Variants in MYO16 observed in about 807,000 individuals in gnomAD.
MYO16 encodes myosin XVI, also known as unconventional myosin-XVI.
Under a neutral mutation model 205.3 loss-of-function variants are expected in MYO16, and 94 were observed. That is an observed-to-expected ratio of 0.46 (90% confidence interval 0.39 to 0.54). The LOEUF (loss-of-function observed/expected upper bound fraction) is 0.54. Ranked by LOEUF, MYO16 falls within the 20% of genes least tolerant of loss-of-function variation. MYO16 has a pLI of 0.00. For missense variants in MYO16, 2,315 were observed against 2,387.5 expected (o/e 0.97, Z 0.63); for synonymous variants, 988 against 954.0 (o/e 1.04, Z -0.66).
At chr13:108,516,825 G>C in the MYO16 span, among the ~76,000 whole-genome samples, 1 of 152,096 alleles carries the variant, frequency 6.6e-6, no homozygotes, top group African/African-American at 2.4e-5. Flanking sequence ...CAGTTTTGCT[G>C]CTGGGTACAT....
intron 1 of MYO16, among the ~76,000 whole-genome samples, chr13:108,639,048 C>G (rs972855214): frequency 6.6e-6 from 1 of 152,170 alleles, no homozygotes; most frequent in Non-Finnish European, 1.5e-5. Context: ...TTGGACAAGT[C>G]TGATGTGTTT....
chr13:109,019,938 T>C (rs1449448947), intron 23 of MYO16, 27 bp downstream of exon 23: 1 of 1,603,524 alleles, frequency 6.2e-7, no homozygotes, highest in Non-Finnish European at 8.5e-7. Flanking sequence ...GCATAATTTT[T>C]CATGTGCACT....
At chr13:108,817,801 T>C (rs892364511) in intron 7 of MYO16, among the ~76,000 whole-genome samples, 4 of 152,198 alleles carry the variant, frequency 2.6e-5, no homozygotes, top group South Asian at 4.1e-4. Context: ...ACCACCAACG[T>C]TTATCAATTG....
At chr13:108,778,166 C>T (rs535362822) in intron 4 of MYO16, among the ~76,000 whole-genome samples, 1 of 152,266 alleles carries the variant, frequency 6.6e-6, no homozygotes, top group East Asian at 1.9e-4. Context: ...GGGGTAGTTA[C>T]GGTGGGACTA....
At chr13:108,782,139 A>G (rs958437649) in intron 4 of MYO16, among the ~76,000 whole-genome samples, 1 of 152,204 alleles carries the variant, frequency 6.6e-6, no homozygotes, top group Non-Finnish European at 1.5e-5. Flanking sequence ...AAGACAGGAA[A>G]ATGTGGGAAA....
chr13:108,878,382 T>C (rs1879429039), intron 12 of MYO16, among the ~76,000 whole-genome samples: 2 of 152,106 alleles, frequency 1.3e-5, no homozygotes, highest in Admixed American at 6.5e-5. Context: ...CTAGGGATGG[T>C]TGGAGAGGAG....
chr13:108,559,746 A>G, the MYO16 span, among the ~76,000 whole-genome samples: 3 of 151,966 alleles, frequency 2.0e-5, no homozygotes, highest in African/African-American at 7.3e-5. Context: ...CTGGGATTAC[A>G]GGTGTGAGCC....
At chr13:108,624,781 C>CTG (rs767842855), upstream of MYO16, among the ~76,000 whole-genome samples, 7,554 of 121,524 alleles carry the variant, frequency 0.062, 281 homozygotes, top group African/African-American at 0.096. Context: ...CCCATATAGC[C>CTG]TGAGTGTGTG....
chr13:108,921,348 T>C (rs1881737878), intron 16 of MYO16, among the ~76,000 whole-genome samples: 1 of 152,166 alleles, frequency 6.6e-6, no homozygotes, highest in Non-Finnish European at 1.5e-5. Context: ...CCAGTCCAAA[T>C]CTACTCCAGC....
At chr13:109,138,964 G>A (rs571146103) in intron 31 of MYO16, among the ~76,000 whole-genome samples, 10 of 152,108 alleles carry the variant, frequency 6.6e-5, no homozygotes, top group East Asian at 1.9e-4. Context: ...GACTACAGGC[G>A]CGTGCCACCT....
chr13:108,973,226 T>G (rs1057508511), intron 20 of MYO16, among the ~76,000 whole-genome samples: 2 of 152,148 alleles, frequency 1.3e-5, no homozygotes, highest in Non-Finnish European at 2.9e-5. Context: ...ATATCACTTG[T>G]GAAATTTCTC....
chr13:108,925,935 C>A (rs996363032), intron 16 of MYO16, among the ~76,000 whole-genome samples: 21 of 152,184 alleles, frequency 1.4e-4, no homozygotes, highest in African/African-American at 5.1e-4. Context: ...TTCCCTTGGA[C>A]AGTAGAACAG....
chr13:108,714,265 TA>T (rs1566566407), intron 3 of MYO16, among the ~76,000 whole-genome samples: 2 of 152,082 alleles, frequency 1.3e-5, no homozygotes, highest in Admixed American at 1.3e-4. Context: ...CCATGTTCGC[TA>T]GGATAGTCTG....
At chr13:108,767,694 T>C (rs1885827979) in intron 4 of MYO16, among the ~76,000 whole-genome samples, 1 of 152,164 alleles carries the variant, frequency 6.6e-6, no homozygotes, top group South Asian at 2.1e-4. Context: ...TCAAACCAAA[T>C]CTACTGCCTT....
intron 24 of MYO16, chr13:109,048,478 G>T (rs1887125709): frequency 7.5e-6 from 4 of 535,252 alleles, no homozygotes; most frequent in Non-Finnish European, 1.0e-5. Context: ...CCTTGTTGCA[G>T]TTACTCACCT....
chr13:108,713,337 T>C lies in MYO16; in HGVS notation c.363+606T>C, dbSNP rs544696221. Among the ~76,000 whole-genome samples, 18 of 152,308 alleles carry C rather than the reference T, an allele frequency of 1.2e-4. No homozygotes were observed. The South Asian group carries it at 3.7e-3, about 32-fold the overall frequency. On this transcript the variant is annotated intron_variant, in intron 3 of 34. Coordinates refer to ENST00000457511, the MANE Select transcript of MYO16 (RefSeq NM_001198950.3). The stretch of plus-strand genomic sequence containing the variant: ...GATAGAAACTTAATTTTGAAAAATA[T>C]AGAAATTAATGTAAGATATCAATCT...
At chr13:108,575,845 G>T in the MYO16 span, among the ~76,000 whole-genome samples, 13 of 152,122 alleles carry the variant, frequency 8.5e-5, no homozygotes, top group Non-Finnish European at 1.5e-5. Context: ...CTTAGGAAGT[G>T]CAGGTGTTGC....
chr13:108,889,711 A>C (rs1477663787), intron 14 of MYO16, among the ~76,000 whole-genome samples: 1 of 152,096 alleles, frequency 6.6e-6, no homozygotes, highest in African/African-American at 2.4e-5. Flanking sequence ...GGTTGAAATA[A>C]AATATTATTT....
intron 9 of MYO16, among the ~76,000 whole-genome samples, chr13:108,833,812 A>AT (rs923041352): frequency 1.8e-4 from 28 of 151,576 alleles, no homozygotes; most frequent in African/African-American, 6.8e-4. Flanking sequence ...ATTCTCATCT[A>AT]TTTTTTTTCA....
Sources: allele counts gnomAD v4.1 joint callset (sites outside exome capture counted in the v4.1 genomes callset), GRCh38; gene constraint gnomAD v4.1.1; transcripts MANE v1.5; gene names NCBI Gene and HGNC (gene_info 2026-07-23, HGNC 2026-07-21).